ITGA1: variants seen among roughly 807,000 people sequenced by gnomAD.
ITGA1 encodes integrin subunit alpha 1.
A neutral mutation model predicts 145.9 loss-of-function variants in ITGA1; 85 were observed. The observed-to-expected ratio is 0.58, with a 90% CI of 0.49 to 0.70. ITGA1 has a LOEUF of 0.70. ITGA1 is among the 30% of genes least tolerant of loss of function. The pLI, the probability that ITGA1 is intolerant of heterozygous loss-of-function variation, is 0.00. For missense variants in ITGA1, 1,351 were observed against 1,418.7 expected, an observed-to-expected ratio of 0.95 and a Z score of 0.77; for synonymous variants, 520 against 495.3, an observed-to-expected ratio of 1.05 and a Z score of -0.66.
At chr5:52,853,267 G>A (rs1749456263) in intron 2 of ITGA1, among the ~76,000 whole-genome samples, 1 of 152,152 alleles carries the variant, frequency 6.6e-6, no homozygotes, top group Non-Finnish European at 1.5e-5. Context: ...TTGTTCTAAA[G>A]AAATCTGGGA....
At chr5:52,875,707 T>A (rs75692391) in intron 6 of ITGA1, among the ~76,000 whole-genome samples, 177 of 152,300 alleles carry the variant, frequency 1.2e-3, no homozygotes, top group South Asian at 1.9e-3. Flanking sequence ...TGTCCACATT[T>A]AACCCGGTTG....
intron 18 of ITGA1, 39 bp downstream of exon 18, chr5:52,922,926 T>C: frequency 8.2e-7 from 1 of 1,213,454 alleles, no homozygotes; most frequent in Non-Finnish European, 1.2e-6. Flanking sequence ...TACCAACTTG[T>C]GAACATTTTA....
At chr5:52,866,880 G>T (rs985962040) in intron 6 of ITGA1, among the ~76,000 whole-genome samples, 3 of 152,136 alleles carry the variant, frequency 2.0e-5, no homozygotes, top group African/African-American at 7.2e-5. Context: ...CAAATAAAAT[G>T]TCAAAATGAA....
intron 12 of ITGA1, among the ~76,000 whole-genome samples, chr5:52,908,035 G>A (rs1184303557): frequency 6.6e-6 from 1 of 152,096 alleles, no homozygotes; most frequent in Non-Finnish European, 1.5e-5. Context: ...TTTTTAAGAA[G>A]GATTGGTCAT....
At chr5:52,871,805 T>C (rs1197469168) in intron 6 of ITGA1, among the ~76,000 whole-genome samples, 1 of 152,178 alleles carries the variant, frequency 6.6e-6, no homozygotes, top group East Asian at 1.9e-4. Context: ...CAAGGAATTT[T>C]TGTCAACCAA....
intron 14 of ITGA1, among the ~76,000 whole-genome samples, chr5:52,910,970 C>T (rs1450474776): frequency 8.7e-6 from 1 of 114,702 alleles, no homozygotes; most frequent in Non-Finnish European, 1.7e-5. Flanking sequence ...ACTATATATA[C>T]TATATATAGT....
intron 25 of ITGA1, 23 bp downstream of exon 25, chr5:52,939,714 T>C (rs774914239): frequency 1.3e-5 from 21 of 1,561,268 alleles, no homozygotes; most frequent in Middle Eastern, 1.7e-4. Context: ...AAGTGCTATT[T>C]TTACCTTTTG....
intron 27 of ITGA1, among the ~76,000 whole-genome samples, chr5:52,945,537 G>T (rs919268546): frequency 5.3e-5 from 8 of 152,100 alleles, no homozygotes; most frequent in Non-Finnish European, 1.0e-4. Context: ...TCAGACTTGA[G>T]TCCTCAGTAA....
At chr5:52,874,575 C>T (rs1366137954) in intron 6 of ITGA1, among the ~76,000 whole-genome samples, 1 of 152,018 alleles carries the variant, frequency 6.6e-6, no homozygotes, top group Non-Finnish European at 1.5e-5. Context: ...TGATAGTGTC[C>T]TTCCTTTCAT....
intron 1 of ITGA1, among the ~76,000 whole-genome samples, chr5:52,832,785 G>GTGTGTC (rs1554042273): frequency 6.9e-6 from 1 of 145,578 alleles, no homozygotes; most frequent in Non-Finnish European, 1.5e-5. Context: ...GTGTGTGTGT[G>GTGTGTC]TGTGTGTGTG....
At chr5:52,918,645 C>T in intron 15 of ITGA1, 87 bp from the exon 16 acceptor site, 2 of 1,317,754 alleles carry the variant, frequency 1.5e-6, no homozygotes, top group Non-Finnish European at 2.1e-6. Context: ...GCAGAACCCT[C>T]TTCCATGCAC....
intron 7 of ITGA1, among the ~76,000 whole-genome samples, chr5:52,886,110 A>G (rs1186724087): frequency 3.3e-5 from 5 of 152,180 alleles, no homozygotes; most frequent in Non-Finnish European, 7.4e-5. Context: ...AAGTGGGTAA[A>G]GAACACAGCC....
At chr5:52,941,634 G>T (rs1561255905) in intron 26 of ITGA1, among the ~76,000 whole-genome samples, 1 of 152,060 alleles carries the variant, frequency 6.6e-6, no homozygotes, top group Admixed American at 6.6e-5. Flanking sequence ...TTTGTTGATT[G>T]ATTGCTTGCT....
chr5:52,931,278 GAT>G (rs1750890407), intron 21 of ITGA1: 1 of 151,974 alleles, frequency 6.6e-6, no homozygotes, highest in African/African-American at 2.4e-5. Context: ...TTACTCATTT[GAT>G]ATCCCATTTT....
At chr5:52,832,811 G>GTGTGTA (rs1749095403) in intron 1 of ITGA1, among the ~76,000 whole-genome samples, 1 of 143,014 alleles carries the variant, frequency 7.0e-6, no homozygotes. Flanking sequence ...GTGTGTGTGT[G>GTGTGTA]TCTTCTGGTG....
intron 1 of ITGA1, among the ~76,000 whole-genome samples, chr5:52,830,248 C>T (rs968665142): frequency 6.6e-6 from 1 of 152,064 alleles, no homozygotes; most frequent in Non-Finnish European, 1.5e-5. Context: ...ATTTTGGAGG[C>T]ATATCTTTTT....
chr5:52,884,837 T>C (rs903953215), intron 7 of ITGA1, among the ~76,000 whole-genome samples: 3 of 152,242 alleles, frequency 2.0e-5, no homozygotes, highest in African/African-American at 7.2e-5. Flanking sequence ...ATCAGCTGCA[T>C]GTTCTAGAAT....
rs542092912 is a variant in ITGA1, at chr5:52,833,104, A to G, written c.62-16261A>G. Among the ~76,000 whole-genome samples the G allele has an allele frequency of 2.3e-4, 35 of 151,844 alleles. No individual in the cohort carries two copies. In the South Asian group the frequency reaches 6.3e-3, roughly 27 times the overall value. On this transcript the variant is annotated intron_variant, in intron 1 of 28. Transcript: ENST00000282588. Reference sequence around the variant, plus strand: ...CTACTTGGGAGGCTGATGTGGGAGGATCACTTGAACCCAGGATGTGGAGGC... The same window carrying G: ...CTACTTGGGAGGCTGATGTGGGAGGGTCACTTGAACCCAGGATGTGGAGGC...
chr5:52,889,396 C>T (rs1750107862), intron 8 of ITGA1, among the ~76,000 whole-genome samples: 3 of 152,270 alleles, frequency 2.0e-5, no homozygotes, highest in East Asian at 3.9e-4. Flanking sequence ...GCCACCGTGC[C>T]CAGCCCACTA....
Sources: gnomAD v4.1 joint callset for allele counts (sites outside exome capture counted in the v4.1 genomes callset) on GRCh38, gnomAD v4.1.1 for gene constraint, MANE v1.5 for transcripts, NCBI Gene and HGNC (gene_info 2026-07-23, HGNC 2026-07-21) for gene names.